The following COPE variants were observed in gnomAD, a reference collection of about 807,000 sequenced individuals.
The protein encoded by COPE is coat protein complex I subunit epsilon, also known as coatomer subunit epsilon.
COPE carries 19 observed loss-of-function variants against 42.1 expected under a neutral mutation model. That is an observed-to-expected ratio of 0.45 (90% CI 0.31 to 0.66). The LOEUF (loss-of-function observed/expected upper bound fraction) is 0.66. Ranked by LOEUF, COPE falls within the 30% of genes least tolerant of loss-of-function variation. COPE has a pLI of 0.05. For missense variants in COPE, 402 were observed against 416.1 expected (o/e 0.97, Z 0.30); for synonymous variants, 195 against 181.3 (o/e 1.08, Z -0.60).
At chr19:18,906,910 A>AG (rs1167815060) in intron 4 of COPE, 50 bp downstream of exon 4, 30 of 1,517,732 alleles carry the variant, frequency 2.0e-5, no homozygotes, top group Non-Finnish European at 2.6e-5. Flanking sequence ...GAGATGTGGC[A>AG]GGGGGCACTT....
chr19:18,906,680 CAG>C, intron 4 of COPE: 1 of 333,164 alleles, frequency 3.0e-6, no homozygotes, highest in South Asian at 6.5e-5. Flanking sequence ...GGTGGGGACA[CAG>C]AAACCGAGCA....
At chr19:18,918,177 G>C (rs2145089510) in intron 1 of COPE, among the ~76,000 whole-genome samples, 1 of 108,282 alleles carries the variant, frequency 9.2e-6, no homozygotes, top group Middle Eastern at 8.8e-3. Flanking sequence ...AACAGCGCGA[G>C]TCTCCATCTC....
intron 7 of COPE, among the ~76,000 whole-genome samples, chr19:18,902,189 A>AG (rs1037242253): frequency 1.9e-4 from 28 of 150,848 alleles, no homozygotes; most frequent in Non-Finnish European, 4.0e-4. Flanking sequence ...CAAAAAAAAA[A>AG]AAAAAAAAAA....
chr19:18,905,956 G>C (rs1373263032), intron 4 of COPE: 2 of 493,350 alleles, frequency 4.1e-6, no homozygotes, highest in Non-Finnish European at 7.1e-6. Context: ...CAACACTCAG[G>C]AACAAGGCCC....
At chr19:18,899,799 C>T (rs886475533) in intron 9 of COPE, 73 bp from the exon 10 acceptor site, 18 of 1,608,674 alleles carry the variant, frequency 1.1e-5, no homozygotes, top group Middle Eastern at 1.6e-4. Context: ...AGAGAGAGGG[C>T]GCATGTGAGC....
chr19:18,916,214 G>A (rs541114537), intron 1 of COPE, among the ~76,000 whole-genome samples: 1 of 152,030 alleles, frequency 6.6e-6, no homozygotes, highest in Non-Finnish European at 1.5e-5. Context: ...TTAGCTGGGC[G>A]TGGTGGCAGG....
intron 3 of COPE, chr19:18,910,415 G>A (rs147259086): frequency 0.012 from 1,847 of 155,122 alleles, 33 homozygotes; most frequent in African/African-American, 0.042. Flanking sequence ...GTGAAACCCA[G>A]TCTCTGCTAA....
chr19:18,917,794 C>T (rs565720526), intron 1 of COPE, among the ~76,000 whole-genome samples: 1 of 152,252 alleles, frequency 6.6e-6, no homozygotes, highest in Admixed American at 6.5e-5. Flanking sequence ...ACAACGGGCC[C>T]CAGTAAAACA....
intron 6 of COPE, 72 bp from the exon 7 acceptor site, chr19:18,903,495 AG>A: frequency 1.3e-6 from 2 of 1,499,570 alleles, no homozygotes; most frequent in Non-Finnish European, 9.0e-7. Flanking sequence ...CCCCTCCCCT[AG>A]CGGGGGGGAC....
At chr19:18,911,194 T>G in intron 2 of COPE, 123 bp from the exon 3 acceptor site, 1 of 816,238 alleles carries the variant, frequency 1.2e-6, no homozygotes, top group Non-Finnish European at 2.1e-6. Flanking sequence ...CAGCCCAGCA[T>G]GGGCCACCTC....
chr19:18,902,696 G>A (rs1333017360), intron 7 of COPE, among the ~76,000 whole-genome samples: 1 of 51,594 alleles, frequency 1.9e-5, no homozygotes, highest in Non-Finnish European at 3.5e-5. Context: ...AGGAAAGGAA[G>A]GAAAGGAAGG....
chr19:18,906,965 C>T lies in COPE; in HGVS notation c.438G>A (p.Leu146=), dbSNP rs755046597. The part of the protein sequence containing the change: ...ALRALHQGDS[L]ECTAMTVQIL... ...AGAGCAGGGAGGCCACTCACCACTC[C>T]AGGCTGTCCCCCTGGTGCAGCGCAC... is the stretch of plus-strand genomic sequence containing the variant. Residue 146 remains leucine (L), a synonymous_variant, in exon 4 of 10, where the codon CTG becomes CTA. Coordinates refer to ENST00000262812, the MANE Select transcript of COPE (RefSeq NM_007263.4). 6.4e-7 allele frequency: 1 copy of T among 1,558,552 alleles called. No homozygotes were observed. Among genetic ancestry groups the T allele is most frequent in the Non-Finnish European group, 8.7e-7 (1 of 1,151,666 alleles).
intron 7 of COPE, among the ~76,000 whole-genome samples, chr19:18,902,061 T>C (rs1719911190): frequency 6.6e-6 from 1 of 150,722 alleles, no homozygotes; most frequent in Non-Finnish European, 1.5e-5. Context: ...GCGCCTGTAG[T>C]CCCAGCTACT....
In COPE at chr19:18,919,235, C is replaced by A; in HGVS notation, c.114G>T (p.Ala38=). 2 of 1,611,996 alleles carry A rather than the reference C, an allele frequency of 1.2e-6. No homozygotes were observed. The highest frequency in any genetic ancestry group is 4.5e-5 in the East Asian group (2 of 44,816). The change falls in exon 1 of 10, where the codon GCG becomes GCT. Residue 38 remains alanine, a synonymous_variant. Coordinates refer to ENST00000262812, the MANE Select transcript of COPE (RefSeq NM_007263.4). ...IGSYQQCINE[A]QRVKLSSPER... is the part of the protein sequence containing the mutation. ...TGCGCGGCCGCACCTTCACCCGCTG[C>A]GCCTCGTTTATGCACTGCTGGTAGC... is the stretch of plus-strand genomic sequence containing the variant.
chr19:18,907,254 G>A (rs1453455946), intron 3 of COPE, 142 bp from the exon 4 acceptor site: 8 of 874,984 alleles, frequency 9.1e-6, no homozygotes, highest in Non-Finnish European at 1.4e-5. Context: ...CGAGCATCGA[G>A]CTGTCCCGAC....
intron 3 of COPE, among the ~76,000 whole-genome samples, chr19:18,909,469 A>G (rs2056791012): frequency 6.6e-6 from 1 of 150,586 alleles, no homozygotes; most frequent in African/African-American, 2.5e-5. Context: ...GCTAGCAGAC[A>G]TGTCACTCCA....
At chr19:18,905,532 T>G in intron 5 of COPE, 44 bp downstream of exon 5, 1 of 1,560,276 alleles carries the variant, frequency 6.4e-7, no homozygotes, top group Non-Finnish European at 8.6e-7. Context: ...TGTGACGCTC[T>G]GGGCTGTGGC....
Position 18,919,124 on chromosome 19 carries a change from GAA to G in COPE, c.126+97_126+98del. ...AGAGGTGGCCCAAAAAACGCGAGAA[GAA>G]AAGAGAAAGTTTTTAGACGCAGAAC... On this transcript the variant is annotated intron_variant, in intron 1 of 9. Transcript: ENST00000262812. 2.9e-6 allele frequency: 4 copies of G among 1,370,740 alleles called. No individual in the cohort carries two copies. The East Asian group carries it at 6.9e-5, about 24-fold the overall frequency. 84.9% of individuals were successfully genotyped at this position (1,370,740 alleles called of 1,614,324 possible).
intron 5 of COPE, among the ~76,000 whole-genome samples, chr19:18,905,229 G>A (rs1470914797): frequency 6.6e-6 from 1 of 152,014 alleles, no homozygotes; most frequent in African/African-American, 2.4e-5. Context: ...CCTCCGACCT[G>A]GTGATGCCAC....
Sources: gnomAD v4.1 joint callset for allele counts (sites outside exome capture counted in the v4.1 genomes callset) on GRCh38, gnomAD v4.1.1 for gene constraint, MANE v1.5 for transcripts, NCBI Gene and HGNC (gene_info 2026-07-23, HGNC 2026-07-21) for gene names.